Variants in LAMB4 observed in about 807,000 individuals in gnomAD.
The protein encoded by LAMB4 is laminin subunit beta-4.
Under a neutral mutation model 199.2 loss-of-function variants are expected in LAMB4, and 196 were observed. That is an observed-to-expected ratio of 0.98 (90% CI 0.88 to 1.11). The LOEUF is 1.11. LAMB4 is among the 50% of genes least tolerant of loss of function. The pLI, the probability that LAMB4 is intolerant of heterozygous loss-of-function variation, is 0.00. For synonymous variants in LAMB4, 744 were observed against 770.6 expected, an observed-to-expected ratio of 0.97 and a Z score of 0.57; for missense variants, 2,080 against 2,171.2, an observed-to-expected ratio of 0.96 and a Z score of 0.83.
At chr7:108,055,378 G>A (rs951778506) in intron 25 of LAMB4, among the ~76,000 whole-genome samples, 1 of 151,954 alleles carries the variant, frequency 6.6e-6, no homozygotes, top group Non-Finnish European at 1.5e-5. Context: ...GTAGAGAGGG[G>A]GTTTCTCCAT....
At chr7:108,081,366 G>T (rs1034658574) in intron 14 of LAMB4, among the ~76,000 whole-genome samples, 1 of 152,156 alleles carries the variant, frequency 6.6e-6, no homozygotes, top group African/African-American at 2.4e-5. Context: ...TCAAGGGGCA[G>T]GACAACTTTG....
chr7:108,095,447 C>A, intron 11 of LAMB4, 110 bp from the exon 12 acceptor site: 1 of 755,524 alleles, frequency 1.3e-6, no homozygotes, highest in South Asian at 1.7e-5. Context: ...CACAGAGAAG[C>A]CTGCCCTGCC....
intron 8 of LAMB4, among the ~76,000 whole-genome samples, chr7:108,105,215 C>T (rs896706021): frequency 5.3e-5 from 8 of 152,184 alleles, no homozygotes; most frequent in African/African-American, 1.9e-4. Context: ...AAAACTACAA[C>T]TCTTCTACAA....
chr7:108,091,887 G>A (rs1419832603), intron 13 of LAMB4, 111 bp from the exon 14 acceptor site: 1 of 1,015,106 alleles, frequency 9.9e-7, no homozygotes, highest in Non-Finnish European at 1.5e-6. Flanking sequence ...CTTAGAATCA[G>A]TCAATCAATG....
intron 10 of LAMB4, among the ~76,000 whole-genome samples, chr7:108,099,591 G>T (rs1315085492): frequency 1.3e-5 from 2 of 152,132 alleles, no homozygotes; most frequent in Admixed American, 6.5e-5. Flanking sequence ...GACCACCAAG[G>T]TCTCTTGTAC....
chr7:108,064,611 C>T (rs537022719), intron 21 of LAMB4, among the ~76,000 whole-genome samples: 2 of 152,210 alleles, frequency 1.3e-5, no homozygotes, highest in South Asian at 4.2e-4. Context: ...TTGGTTCATC[C>T]CACTTGGAAA....
At chr7:108,021,664 A>G (rs577421143), downstream of LAMB4, among the ~76,000 whole-genome samples, 210 of 151,706 alleles carry the variant, frequency 1.4e-3, no homozygotes, top group Non-Finnish European at 2.5e-3. Flanking sequence ...AGCCGAGATC[A>G]CACCATTGCA....
chr7:108,045,982 C>T (rs1454598049), intron 28 of LAMB4, among the ~76,000 whole-genome samples: 1 of 151,948 alleles, frequency 6.6e-6, no homozygotes. Context: ...CACCCCATTC[C>T]CAAGCTTGGC....
chr7:108,068,928 C>T (rs2036437137), intron 18 of LAMB4, among the ~76,000 whole-genome samples: 1 of 152,126 alleles, frequency 6.6e-6, no homozygotes, highest in Non-Finnish European at 1.5e-5. Flanking sequence ...TCAAGCAATC[C>T]ACCTGCCTCA....
Position 108,078,290 on chromosome 7 carries a change from A to C in LAMB4, c.1914T>G (p.Ile638Met). ...CACTCCCTCCAGGGGGGTTCACCAC[A>C]ATCTGGACAGTCCAGTCAGCTGCAG... ...TQSAADWTVQ[I>M]VVNPPGGSEH... Residue 638 changes from isoleucine (I) to methionine (M), a missense_variant, in exon 16 of 34, where the codon ATT becomes ATG. Coordinates refer to ENST00000388781, the MANE Select transcript of LAMB4 (RefSeq NM_007356.3). The C allele has an allele frequency of 1.2e-6, 2 of 1,608,390 alleles. No homozygotes were observed. Among genetic ancestry groups the C allele is most frequent in the South Asian group, 1.1e-5 (1 of 89,602 alleles).
At chr7:108,030,783 G>A (rs2034998759) in intron 32 of LAMB4, 23 bp downstream of exon 32, 1 of 1,605,828 alleles carries the variant, frequency 6.2e-7, no homozygotes, top group Non-Finnish European at 8.5e-7. Flanking sequence ...TCTGCTCTTG[G>A]TGGCAGTGGT....
Position 108,098,443 on chromosome 7 carries a change from G to A in LAMB4, c.1320C>T (p.Asn440=). The part of the protein sequence containing the change: ...EGAKCDQCKP[N]HYGLSATDPL... ...GGTCGGTGGCGCTTAGTCCGTAGTGGTTGGGTTTGCACTGGTCGCATTTGG... is the reference window on the plus strand; with the variant it reads ...GGTCGGTGGCGCTTAGTCCGTAGTGATTGGGTTTGCACTGGTCGCATTTGG... The change falls in exon 11 of 34, where the codon AAC becomes AAT. Residue 440 remains asparagine, a synonymous_variant. Coordinates refer to ENST00000388781, the MANE Select transcript of LAMB4 (RefSeq NM_007356.3). 6.5e-7 allele frequency: 1 copy of A among 1,536,730 alleles called. No individual in the cohort carries two copies. The highest frequency in any genetic ancestry group is 8.8e-7 in the Non-Finnish European group (1 of 1,141,576).
At chr7:108,049,289 C>T (rs565754936) in intron 27 of LAMB4, 37 bp downstream of exon 27, 2 of 1,171,248 alleles carry the variant, frequency 1.7e-6, no homozygotes, top group Non-Finnish European at 2.5e-6. Context: ...CAAGTAAAAA[C>T]CACAAATGCT....
chr7:108,107,362 G>T (rs537015005), intron 6 of LAMB4, among the ~76,000 whole-genome samples: 2 of 152,290 alleles, frequency 1.3e-5, no homozygotes, highest in South Asian at 4.2e-4. Flanking sequence ...AGAAATGGGT[G>T]TTCCTTCTTC....
At chr7:108,028,062 G>A (rs937078121) in intron 33 of LAMB4, among the ~76,000 whole-genome samples, 1 of 152,170 alleles carries the variant, frequency 6.6e-6, no homozygotes, top group Non-Finnish European at 1.5e-5. Flanking sequence ...GGGATTACAG[G>A]TGTGAGCCAC....
chr7:108,115,035 G>C (rs2038359495), intron 3 of LAMB4, among the ~76,000 whole-genome samples: 1 of 152,210 alleles, frequency 6.6e-6, no homozygotes, highest in Admixed American at 6.5e-5. Context: ...TCAAGGCAGA[G>C]CAATGAGGAC....
intron 12 of LAMB4, among the ~76,000 whole-genome samples, chr7:108,094,914 C>G (rs995387569): frequency 6.6e-6 from 1 of 152,072 alleles, no homozygotes; most frequent in Non-Finnish European, 1.5e-5. Flanking sequence ...AAAACATAGA[C>G]AGATAAATGT....
intron 33 of LAMB4, among the ~76,000 whole-genome samples, 176 bp from the exon 34 acceptor site, chr7:108,024,354 A>G (rs1429323832): frequency 6.6e-6 from 1 of 152,218 alleles, no homozygotes; most frequent in Non-Finnish European, 1.5e-5. Context: ...TTTCACATAA[A>G]TTAGAGCAAA....
In LAMB4 at chr7:108,052,178, T is replaced by C; in HGVS notation, c.3835A>G (p.Lys1279Glu). 6.2e-7 allele frequency: 1 copy of C among 1,612,720 alleles called. No homozygotes were observed. The highest frequency in any genetic ancestry group is 1.3e-5 in the African/African-American group (1 of 75,054). The change falls in exon 26 of 34, where the codon AAG (lysine) becomes GAG (glutamate). Residue 1279 changes from lysine to glutamate, a missense_variant. Physicochemically the swap from Lys to Glu is moderately conservative, Grantham distance 56. Transcript: ENST00000388781. ...TCAAGTAAGAGGTCTGCTTCATTCT[T>C]TGCTCTTTCTATTGTATCTTTCAGA... ...QDLKDTIERA[K>E]NEADLLLEDL...
Sources: gnomAD v4.1 joint callset for allele counts (sites outside exome capture counted in the v4.1 genomes callset) on GRCh38, gnomAD v4.1.1 for gene constraint, MANE v1.5 for transcripts, NCBI Gene and HGNC (gene_info 2026-07-23, HGNC 2026-07-21) for gene names.